Variants in KPNA4 observed in about 807,000 individuals in gnomAD.
KPNA4 encodes importin subunit alpha-3.
KPNA4 carries 13 observed loss-of-function variants against 71.3 expected under a neutral mutation model. That is an observed-to-expected ratio of 0.18 (90% CI 0.12 to 0.29). KPNA4 has a LOEUF of 0.29. Ranked by LOEUF, KPNA4 falls within the 10% of genes least tolerant of loss-of-function variation. The probability of loss-of-function intolerance (pLI) is 1.00; values close to 1 mark genes in which losing one functional copy is unlikely to be tolerated. For synonymous variants in KPNA4, 189 were observed against 195.2 expected, an observed-to-expected ratio of 0.97 and a Z score of 0.26; for missense variants, 334 against 603.2, an observed-to-expected ratio of 0.55 and a Z score of 4.67.
At chr3:160,553,416 T>C (rs886910686) in intron 1 of KPNA4, among the ~76,000 whole-genome samples, 11 of 152,258 alleles carry the variant, frequency 7.2e-5, no homozygotes, top group African/African-American at 9.6e-5. Flanking sequence ...TAATTTAACA[T>C]AGAATTACGT....
intron 11 of KPNA4, among the ~76,000 whole-genome samples, chr3:160,521,143 G>C (rs1404805911): frequency 6.6e-6 from 1 of 152,058 alleles, no homozygotes; most frequent in Non-Finnish European, 1.5e-5. Flanking sequence ...AAACTTGCCA[G>C]GTGAGTAAAT....
intron 5 of KPNA4, among the ~76,000 whole-genome samples, chr3:160,534,822 G>A (rs1721653236): frequency 6.7e-6 from 1 of 149,636 alleles, no homozygotes. Context: ...TTGAGATGGA[G>A]TTATGATTCT....
Position 160,550,398 on chromosome 3 carries a change from C to T in KPNA4, c.70-13558G>A, listed in dbSNP as rs887575288. On this transcript the variant is annotated intron_variant, in intron 1 of 16. Transcript: ENST00000334256. Reference sequence around the variant, plus strand: ...TCAGCCTTCCAAGTAGCTGGGACTCCATGTGCATGCCTGCATGCCTGGATA... The same window carrying T: ...TCAGCCTTCCAAGTAGCTGGGACTCTATGTGCATGCCTGCATGCCTGGATA... Among the ~76,000 whole-genome samples the T allele has an allele frequency of 2.0e-5, 3 of 152,310 alleles. No homozygotes were observed. In the East Asian group the frequency reaches 5.8e-4, roughly 29 times the overall value.
Position 160,565,343 on chromosome 3 carries a change from C to T in KPNA4, c.-61G>A. On this transcript the variant is annotated 5_prime_UTR_variant, in exon 1 of 17. Transcript: ENST00000334256. ...CGCGGGATCCGCCCCAACCAACGCG[C>T]CGCACCGACACTCCCAGGAACCGGG... 1 of 1,362,060 alleles carries T rather than the reference C, an allele frequency of 7.3e-7. No individual in the cohort carries two copies. The highest frequency in any genetic ancestry group is 2.5e-5 in the East Asian group (1 of 39,656). The allele number at this position is 1,362,060 out of a possible 1,614,324, so 84.4% of individuals were successfully genotyped here.
intron 1 of KPNA4, among the ~76,000 whole-genome samples, chr3:160,563,653 G>A (rs990336197): frequency 3.9e-5 from 6 of 152,064 alleles, no homozygotes; most frequent in African/African-American, 1.4e-4. Context: ...CAGTTTTTAA[G>A]TTTTATCATT....
intron 10 of KPNA4, 23 bp from the exon 11 acceptor site, chr3:160,521,933 AAAC>A: frequency 6.3e-7 from 1 of 1,581,292 alleles, no homozygotes. Flanking sequence ...ATAAAAATTC[AAAC>A]AACTTTTAAA....
rs911046166 is a variant in KPNA4, at chr3:160,496,592, A to G, written c.*5512T>C. 6.6e-6 allele frequency: 1 copy of G among 152,258 alleles called. No individual in the cohort carries two copies. The highest frequency in any genetic ancestry group is 1.5e-5 in the Non-Finnish European group (1 of 68,054). The allele number at this position is 152,258 out of a possible 1,614,324, so 9.4% of individuals were successfully genotyped here. On this transcript the variant is annotated 3_prime_UTR_variant, in exon 17 of 17. Transcript: ENST00000334256. ...TTAGGATTCATGCTTGAAGAGTAAT[A>G]GAAAAACCTAAGTGAAACAGGTTAT...
chr3:160,555,185 C>T (rs746959081), intron 1 of KPNA4, among the ~76,000 whole-genome samples: 9 of 152,182 alleles, frequency 5.9e-5, no homozygotes, highest in Non-Finnish European at 7.4e-5. Flanking sequence ...GGGAAAAACC[C>T]CCACACATCT....
intron 11 of KPNA4, among the ~76,000 whole-genome samples, chr3:160,518,837 G>T (rs1721287207): frequency 6.6e-6 from 1 of 151,884 alleles, no homozygotes; most frequent in African/African-American, 2.4e-5. Flanking sequence ...CTCCAGCCTG[G>T]GCAACAGAGC....
rs562820305 is a variant in KPNA4, at chr3:160,565,569, T to G, written c.-287A>C. The G allele has an allele frequency of 7.8e-6, 4 of 511,394 alleles. No individual in the cohort carries two copies. In the East Asian group the frequency reaches 1.4e-4, roughly 17 times the overall value. The allele number at this position is 511,394 out of a possible 1,614,324, so 31.7% of individuals were successfully genotyped here. A position where few individuals can be genotyped will look rare whatever the true frequency, so the allele number is the denominator to read the frequency against. ...GGCTGAGAGGGGGAGGCAGCCTCGA[T>G]CTGAGGGCCCCGGCGCTGCGGCCAC... On this transcript the variant is annotated 5_prime_UTR_variant, in exon 1 of 17. Coordinates refer to ENST00000334256, the MANE Select transcript of KPNA4 (RefSeq NM_002268.5).
At chr3:160,540,776 T>C (rs966120629) in intron 1 of KPNA4, among the ~76,000 whole-genome samples, 1 of 152,236 alleles carries the variant, frequency 6.6e-6, no homozygotes, top group Non-Finnish European at 1.5e-5. Flanking sequence ...CAAAGGCTTA[T>C]GTATAGGCCA....
At chr3:160,540,757 C>A (rs747381215) in intron 1 of KPNA4, among the ~76,000 whole-genome samples, 6 of 152,196 alleles carry the variant, frequency 3.9e-5, no homozygotes, top group Non-Finnish European at 5.9e-5. Context: ...AGAAAGCTGA[C>A]AAACTGGCCA....
At chr3:160,561,341 T>C (rs1198712548) in intron 1 of KPNA4, among the ~76,000 whole-genome samples, 1 of 152,054 alleles carries the variant, frequency 6.6e-6, no homozygotes, top group Non-Finnish European at 1.5e-5. Flanking sequence ...ACAAGTTTTT[T>C]ATTTCAAGTT....
chr3:160,519,940 CTATTT>C (rs1344506235), intron 11 of KPNA4, among the ~76,000 whole-genome samples: 2 of 151,610 alleles, frequency 1.3e-5, no homozygotes, highest in Non-Finnish European at 2.9e-5. Flanking sequence ...TTCCATTACA[CTATTT>C]TATTTTATGA....
rs778602199 is a variant in KPNA4 at position 160,565,198 on chromosome 3, T to C, written c.69+16A>G. 4 of 1,594,958 alleles carry C rather than the reference T, an allele frequency of 2.5e-6. No individual in the cohort carries two copies. Among genetic ancestry groups the C allele is most frequent in the South Asian group, 1.1e-5 (1 of 88,770 alleles). The stretch of plus-strand genomic sequence containing the variant: ...GCCCACAGCCCCCACCCCTCCGGCG[T>C]CGTCCCCGAGTTTACCTCCAAGTCG... On this transcript the variant is annotated intron_variant, in intron 1 of 16. Coordinates refer to ENST00000334256, the MANE Select transcript of KPNA4 (RefSeq NM_002268.5).
chr3:160,565,044 A>G (rs1722316782), intron 1 of KPNA4, among the ~76,000 whole-genome samples, 170 bp downstream of exon 1: 1 of 150,974 alleles, frequency 6.6e-6, no homozygotes, highest in South Asian at 2.1e-4. Flanking sequence ...AGCAGGCCCG[A>G]CATAAACTTC....
intron 11 of KPNA4, among the ~76,000 whole-genome samples, chr3:160,519,152 T>C (rs1212971312): frequency 6.6e-6 from 1 of 152,234 alleles, no homozygotes. Flanking sequence ...GTTTAATCTG[T>C]AGACAAACTT....
intron 1 of KPNA4, among the ~76,000 whole-genome samples, chr3:160,559,226 T>C (rs1577064961): frequency 6.6e-6 from 1 of 152,190 alleles, no homozygotes; most frequent in Non-Finnish European, 1.5e-5. Flanking sequence ...ATAGCATTTA[T>C]TGCTAATGAT....
chr3:160,563,660 C>T (rs1722287273), intron 1 of KPNA4, among the ~76,000 whole-genome samples: 1 of 152,098 alleles, frequency 6.6e-6, no homozygotes, highest in Admixed American at 6.5e-5. Flanking sequence ...TAAGTTTTAT[C>T]ATTTGTGATT....
Sources: allele counts gnomAD v4.1 joint callset (sites outside exome capture counted in the v4.1 genomes callset), GRCh38; gene constraint gnomAD v4.1.1; transcripts MANE v1.5; gene names NCBI Gene and HGNC (gene_info 2026-07-23, HGNC 2026-07-21).